Variants in IGLL5 observed in about 807,000 individuals in gnomAD.
The protein encoded by IGLL5 is immunoglobulin lambda-like polypeptide 5.
Under a neutral mutation model 20.9 loss-of-function variants are expected in IGLL5, and 30 were observed. The ratio of observed to expected loss-of-function variants is 1.44; its 90% CI spans 1.07 to 1.95. The LOEUF is 1.95. IGLL5 is among the 30% of genes most tolerant of loss of function. The pLI is 0.00. For missense variants in IGLL5, 475 were observed against 270.7 expected (o/e 1.75, Z -5.30); for synonymous variants, 203 against 117.3 (o/e 1.73, Z -4.72).
intron 2 of IGLL5, among the ~76,000 whole-genome samples, 170 bp downstream of exon 2, chr22:22,893,988 G>T (rs1601622481): frequency 6.6e-6 from 1 of 151,574 alleles, no homozygotes; most frequent in African/African-American, 2.4e-5. Context: ...TAACCGGCAG[G>T]AAGGGCCTCC....
intron 1 of IGLL5, among the ~76,000 whole-genome samples, chr22:22,889,433 T>C (rs192821440): frequency 2.6e-5 from 4 of 151,280 alleles, no homozygotes; most frequent in East Asian, 2.0e-4. Flanking sequence ...CTTCTAGGAA[T>C]TTATCCTAAG....
intron 1 of IGLL5, among the ~76,000 whole-genome samples, chr22:22,888,941 G>A (rs2067667285): frequency 6.6e-6 from 1 of 151,306 alleles, no homozygotes; most frequent in Admixed American, 6.6e-5. Context: ...GCCCCCAAAA[G>A]ACAGAGCAGC....
intron 1 of IGLL5, among the ~76,000 whole-genome samples, chr22:22,889,498 T>C (rs566717986): frequency 3.3e-5 from 5 of 151,314 alleles, no homozygotes; most frequent in Admixed American, 6.6e-5. Context: ...CAAGGGTGGT[T>C]AGCTCAGCAT....
intron 1 of IGLL5, among the ~76,000 whole-genome samples, chr22:22,890,354 T>A (rs555393261): frequency 6.8e-6 from 1 of 146,356 alleles, no homozygotes; most frequent in African/African-American, 2.5e-5. Flanking sequence ...CAGTTGGTGC[T>A]GGGATTTTAT....
At chr22:22,892,631 T>C (rs763417277) in intron 1 of IGLL5, among the ~76,000 whole-genome samples, 4 of 150,624 alleles carry the variant, frequency 2.7e-5, no homozygotes, top group Non-Finnish European at 5.9e-5. Flanking sequence ...TTGTGATCTG[T>C]TGAGTTGGAG....
chr22:22,889,743 A>T (rs575053116), intron 1 of IGLL5, among the ~76,000 whole-genome samples: 1 of 151,122 alleles, frequency 6.6e-6, no homozygotes, highest in African/African-American at 2.4e-5. Context: ...GCAGGCCACT[A>T]CACCTGGCTA....
Position 22,894,013 on chromosome 22 carries a change from C to CGCCTTCAGGCTCCAACAGCT in IGLL5, c.325+196_325+197insCCTTCAGGCTCCAACAGCTG, listed in dbSNP as rs201201390. 8.5e-3 allele frequency among the ~76,000 whole-genome samples: 1,292 copies of CGCCTTCAGGCTCCAACAGCT among 151,550 alleles called. 19 individuals carry two copies. Among genetic ancestry groups the CGCCTTCAGGCTCCAACAGCT allele is most frequent in the South Asian group, 0.034 (163 of 4,772 alleles). ...GAAGGGCCTCCACAGTGGGAGCAGCCGGATGCAGCCTGGTCCCGGGGCCTG... is the reference window on the plus strand; with the variant it reads ...GAAGGGCCTCCACAGTGGGAGCAGCCGCCTTCAGGCTCCAACAGCTGGATGCAGCCTGGTCCCGGGGCCTG... On this transcript the variant is annotated intron_variant, in intron 2 of 2. Transcript: ENST00000526893.
chr22:22,891,783 T>G (rs2067855085), intron 1 of IGLL5, among the ~76,000 whole-genome samples: 1 of 151,276 alleles, frequency 6.6e-6, no homozygotes, highest in Non-Finnish European at 1.5e-5. Context: ...TTTTTCACAA[T>G]TTTATATCGT....
At chr22:22,888,654 G>A (rs574733607) in intron 1 of IGLL5, among the ~76,000 whole-genome samples, 5 of 151,274 alleles carry the variant, frequency 3.3e-5, no homozygotes, top group East Asian at 4.1e-4. Context: ...CTGCCCATGT[G>A]CCTCCTGCCC....
intron 2 of IGLL5, among the ~76,000 whole-genome samples, chr22:22,895,064 C>A (rs562100699): frequency 6.6e-6 from 1 of 151,304 alleles, no homozygotes. Flanking sequence ...AGATTCTAAA[C>A]TCAGACTCCA....
chr22:22,888,880 A>G (rs185692368), intron 1 of IGLL5, among the ~76,000 whole-genome samples: 6 of 151,382 alleles, frequency 4.0e-5, no homozygotes, highest in Middle Eastern at 3.7e-3. Flanking sequence ...TCCCTCTGGG[A>G]TGATGCCCAG....
chr22:22,895,893 T>A lies in IGLL5; in HGVS notation c.*199T>A, dbSNP rs757295518. Reference sequence around the variant, plus strand: ...TTGCTAGCCTCCCCGGGGTTCTCAGTGTGGGGTACAGGGAATTCTGCACCC... The same window carrying A: ...TTGCTAGCCTCCCCGGGGTTCTCAGAGTGGGGTACAGGGAATTCTGCACCC... On this transcript the variant is annotated 3_prime_UTR_variant, in exon 3 of 3. Coordinates refer to ENST00000526893, the MANE Select transcript of IGLL5 (RefSeq NM_001178126.2). The A allele has an allele frequency of 2.8e-5, 18 of 641,824 alleles. No homozygotes were observed. The highest frequency in any genetic ancestry group is 3.9e-5 in the Non-Finnish European group (14 of 362,108). 39.8% of individuals were successfully genotyped at this position (641,824 alleles called of 1,614,324 possible). A position where few individuals can be genotyped will look rare whatever the true frequency, so the allele number is the denominator to read the frequency against.
chr22:22,888,867 A>C lies in IGLL5; in HGVS notation c.206+608A>C, dbSNP rs536379973. On this transcript the variant is annotated intron_variant, in intron 1 of 2. Coordinates refer to ENST00000526893, the MANE Select transcript of IGLL5 (RefSeq NM_001178126.2). Reference sequence around the variant, plus strand: ...GTTTGGAGCAATAAAGGGAGAGGGGATCTCCCTCTGGGATGATGCCCAGGC... The same window carrying C: ...GTTTGGAGCAATAAAGGGAGAGGGGCTCTCCCTCTGGGATGATGCCCAGGC... 2.6e-5 allele frequency among the ~76,000 whole-genome samples: 4 copies of C among 151,344 alleles called. 1 individual carries two copies. Among genetic ancestry groups the C allele is most frequent in the Admixed American group, 1.3e-4 (2 of 15,138 alleles).
chr22:22,890,312 AACACACACACAC>A (rs372346670), intron 1 of IGLL5, among the ~76,000 whole-genome samples: 2,882 of 123,748 alleles, frequency 0.023, 106 homozygotes, highest in African/African-American at 0.074. Flanking sequence ...TGTCCCTGAA[AACACACACACAC>A]ACACACACAC....
Position 22,896,064 on chromosome 22 carries a change from C to T in IGLL5, c.*370C>T. 2.4e-6 allele frequency: 1 copy of T among 417,788 alleles called. No individual in the cohort carries two copies. Among genetic ancestry groups the T allele is most frequent in the South Asian group, 2.5e-5 (1 of 40,520 alleles). 25.9% of individuals were successfully genotyped at this position (417,788 alleles called of 1,614,324 possible). A position where few individuals can be genotyped will look rare whatever the true frequency, so the allele number is the denominator to read the frequency against. On this transcript the variant is annotated 3_prime_UTR_variant, in exon 3 of 3. Coordinates refer to ENST00000526893, the MANE Select transcript of IGLL5 (RefSeq NM_001178126.2). ...GGCATCAGTTCAGACCAGTCCCACA[C>T]CCTCCTAAATTTTACTTCTCAATAA...
intron 1 of IGLL5, among the ~76,000 whole-genome samples, chr22:22,890,624 A>T (rs2067813215): frequency 6.7e-6 from 1 of 148,310 alleles, no homozygotes; most frequent in Non-Finnish European, 1.5e-5. Context: ...GCACTTATAT[A>T]TCTCCCCAGG....
At chr22:22,890,169 A>T (rs2146004574) in intron 1 of IGLL5, among the ~76,000 whole-genome samples, 1 of 150,366 alleles carries the variant, frequency 6.7e-6, no homozygotes, top group South Asian at 2.1e-4. Flanking sequence ...TCTTGCCAAA[A>T]AAAAAAAAGA....
intron 1 of IGLL5, 113 bp downstream of exon 1, chr22:22,888,372 G>A (rs561261832): frequency 5.4e-6 from 5 of 927,600 alleles, no homozygotes; most frequent in East Asian, 2.7e-5. Flanking sequence ...CCTAAGAGGG[G>A]CCTGGGCTGA....
intron 2 of IGLL5, among the ~76,000 whole-genome samples, 197 bp downstream of exon 2, chr22:22,894,015 G>GCTCCAACATCTGC (rs2067968173): frequency 6.7e-6 from 1 of 149,284 alleles, no homozygotes; most frequent in African/African-American, 2.5e-5. Flanking sequence ...GGAGCAGCCG[G>GCTCCAACATCTGC]ATGCAGCCTG....
Sources: gnomAD v4.1 joint callset for allele counts (sites outside exome capture counted in the v4.1 genomes callset) on GRCh38, gnomAD v4.1.1 for gene constraint, MANE v1.5 for transcripts, NCBI Gene and HGNC (gene_info 2026-07-23, HGNC 2026-07-21) for gene names.